GABRA2: variants seen among roughly 807,000 people sequenced by gnomAD.
The protein encoded by GABRA2 is gamma-aminobutyric acid receptor subunit alpha-2.
Under a neutral mutation model 48.7 loss-of-function variants are expected in GABRA2, and 16 were observed. That is an observed-to-expected ratio of 0.33 (90% CI 0.22 to 0.50). GABRA2 has a LOEUF of 0.50. Ranked by LOEUF, GABRA2 falls within the 20% of genes least tolerant of loss-of-function variation. The pLI is 0.98. For missense variants in GABRA2, 275 were observed against 535.6 expected, an observed-to-expected ratio of 0.51 and a Z score of 4.80; for synonymous variants, 185 against 184.5, an observed-to-expected ratio of 1.00 and a Z score of -0.02.
Position 46,294,728 on chromosome 4 carries a change from CTTCTGCA to C in GABRA2, c.856+8725_856+8731del, listed in dbSNP as rs1195396335. 3.9e-5 allele frequency among the ~76,000 whole-genome samples: 6 copies of C among 152,210 alleles called. No individual in the cohort carries two copies. In the East Asian group the frequency reaches 1.2e-3, roughly 29 times the overall value. On this transcript the variant is annotated intron_variant, in intron 8 of 9. Transcript: ENST00000381620. ...GATTTTGGAGAAAAGCCCCTGCCAT[CTTCTGCA>C]GATAACTACTCTTTTTTTTTGAGAG...
rs1713971191 is a variant in GABRA2 at position 46,247,722 on chromosome 4, A to T, written c.*2586T>A. ...TTGTGATAAATTAAAATCCTTTTAA[A>T]TTTGTTTTTAAATTGGTTCATGGAA... On this transcript the variant is annotated 3_prime_UTR_variant, in exon 10 of 10. Transcript: ENST00000381620. Among the ~76,000 whole-genome samples the T allele has an allele frequency of 6.6e-6, 1 of 151,276 alleles. No homozygotes were observed.
intron 8 of GABRA2, among the ~76,000 whole-genome samples, chr4:46,265,239 T>C (rs1429499558): frequency 6.7e-6 from 1 of 149,598 alleles, no homozygotes; most frequent in Non-Finnish European, 1.5e-5. Flanking sequence ...TTTTGTCGTA[T>C]TGGCCTGGCT....
chr4:46,283,792 C>A (rs1343397498), intron 8 of GABRA2, among the ~76,000 whole-genome samples: 1 of 152,224 alleles, frequency 6.6e-6, no homozygotes, highest in Non-Finnish European at 1.5e-5. Flanking sequence ...CGGAGTCTCA[C>A]TCTGTCACCC....
intron 9 of GABRA2, among the ~76,000 whole-genome samples, chr4:46,257,926 C>G (rs1420283692): frequency 6.6e-6 from 1 of 151,576 alleles, no homozygotes; most frequent in Non-Finnish European, 1.5e-5. Context: ...ACTGAAGTAT[C>G]AATTAGTGAT....
chr4:46,282,450 A>G (rs1178073789), intron 8 of GABRA2, among the ~76,000 whole-genome samples: 5 of 152,226 alleles, frequency 3.3e-5, no homozygotes, highest in Non-Finnish European at 7.3e-5. Context: ...ACAGACAGGT[A>G]TAAGACAACT....
rs746609746 is a variant in GABRA2, at chr4:46,250,587, G to A, written c.1077C>T (p.Ser359=). ...VVNDKKKEKA[S]VMIQNNAYAV... is the part of the protein sequence containing the mutation. Reference sequence around the variant, plus strand: ...CATAAGCGTTGTTCTGTATCATAACGGAAGCCTTTTCTTTTTTCTATTGAA... The same window carrying A: ...CATAAGCGTTGTTCTGTATCATAACAGAAGCCTTTTCTTTTTTCTATTGAA... Residue 359 remains serine (S), a synonymous_variant, in exon 10 of 10, where the codon TCC becomes TCT. Transcript: ENST00000381620. The A allele has an allele frequency of 1.8e-5, 29 of 1,589,394 alleles. No individual in the cohort carries two copies. The highest frequency in any genetic ancestry group is 6.9e-5 in the South Asian group (6 of 86,592).
At chr4:46,258,732 G>T (rs1716354904) in intron 9 of GABRA2, among the ~76,000 whole-genome samples, 1 of 151,758 alleles carries the variant, frequency 6.6e-6, no homozygotes, top group Admixed American at 6.6e-5. Flanking sequence ...AAGAGAAAAA[G>T]TTGCTGTGCT....
intron 3 of GABRA2, among the ~76,000 whole-genome samples, chr4:46,372,827 C>T (rs1430505921): frequency 2.0e-5 from 3 of 152,172 alleles, no homozygotes; most frequent in African/African-American, 7.2e-5. Context: ...TTACACCACC[C>T]TCTCTAAGAG....
intron 4 of GABRA2, among the ~76,000 whole-genome samples, chr4:46,318,031 A>G (rs1728835043): frequency 6.6e-6 from 1 of 151,604 alleles, no homozygotes; most frequent in Admixed American, 6.6e-5. Context: ...CCAATAGCCA[A>G]TGACACATTT....
chr4:46,352,228 T>C (rs529425383), intron 3 of GABRA2, among the ~76,000 whole-genome samples: 1 of 152,066 alleles, frequency 6.6e-6, no homozygotes, highest in East Asian at 1.9e-4. Flanking sequence ...GTTTGTACTC[T>C]CAGGGACAGT....
intron 3 of GABRA2, among the ~76,000 whole-genome samples, chr4:46,377,851 G>A (rs1716084386): frequency 2.7e-5 from 4 of 147,228 alleles, no homozygotes. Context: ...CCGTCCGGGA[G>A]GGAGGTGGGG....
At chr4:46,355,380 T>C (rs1735797679) in intron 3 of GABRA2, among the ~76,000 whole-genome samples, 1 of 152,182 alleles carries the variant, frequency 6.6e-6, no homozygotes, top group South Asian at 2.1e-4. Flanking sequence ...TGTTTCTAAA[T>C]GGTGCCTTAA....
chr4:46,319,204 G>A (rs188610450), intron 4 of GABRA2, among the ~76,000 whole-genome samples: 194 of 151,786 alleles, frequency 1.3e-3, no homozygotes, highest in African/African-American at 4.3e-3. Flanking sequence ...ATTCTTTACT[G>A]CCTGACTACA....
intron 3 of GABRA2, among the ~76,000 whole-genome samples, chr4:46,361,862 G>T (rs1297885340): frequency 6.6e-6 from 1 of 152,230 alleles, no homozygotes; most frequent in Non-Finnish European, 1.5e-5. Flanking sequence ...GAAGCTTTAA[G>T]ATCCAATTGC....
intron 8 of GABRA2, among the ~76,000 whole-genome samples, chr4:46,282,485 A>G (rs972554302): frequency 1.7e-4 from 26 of 152,208 alleles, no homozygotes; most frequent in Admixed American, 1.3e-4. Flanking sequence ...TTCCACTACA[A>G]TTGAAACAGC....
chr4:46,262,977 A>G (rs1219574580), intron 8 of GABRA2, among the ~76,000 whole-genome samples: 1 of 138,828 alleles, frequency 7.2e-6, no homozygotes, highest in African/African-American at 2.6e-5. Context: ...AGAGAGAGAG[A>G]GGGAGGGAGG....
At chr4:46,281,294 G>A (rs1721486195) in intron 8 of GABRA2, among the ~76,000 whole-genome samples, 1 of 152,174 alleles carries the variant, frequency 6.6e-6, no homozygotes, top group Non-Finnish European at 1.5e-5. Flanking sequence ...AAAGTTCTAA[G>A]TTTGGTAATT....
At chr4:46,282,200 G>T (rs566535545) in intron 8 of GABRA2, among the ~76,000 whole-genome samples, 30 of 152,252 alleles carry the variant, frequency 2.0e-4, no homozygotes, top group African/African-American at 6.3e-4. Flanking sequence ...TCCATTGGAG[G>T]AATATTCCTC....
intron 4 of GABRA2, among the ~76,000 whole-genome samples, chr4:46,318,330 G>C (rs1184826528): frequency 6.6e-6 from 1 of 150,982 alleles, no homozygotes; most frequent in East Asian, 2.0e-4. Flanking sequence ...TAAAATATAG[G>C]TATAGATATA....
Sources: gnomAD v4.1 joint callset for allele counts (sites outside exome capture counted in the v4.1 genomes callset) on GRCh38, gnomAD v4.1.1 for gene constraint, MANE v1.5 for transcripts, NCBI Gene and HGNC (gene_info 2026-07-23, HGNC 2026-07-21) for gene names.